The following HMCN2 variants were observed in gnomAD, a reference collection of about 807,000 sequenced individuals.
HMCN2 encodes hemicentin-2.
HMCN2 carries 325 observed loss-of-function variants against 377.5 expected under a neutral mutation model. The observed-to-expected ratio is 0.86, with a 90% CI of 0.79 to 0.94. The LOEUF (loss-of-function observed/expected upper bound fraction) is 0.94, where lower values mean the gene tolerates loss of function less well. Ranked by LOEUF, HMCN2 falls within the 40% of genes least tolerant of loss-of-function variation. The pLI, the probability that HMCN2 is intolerant of heterozygous loss-of-function variation, is 0.00. For missense variants in HMCN2, 4,543 were observed against 4,725.3 expected (o/e 0.96, Z 1.13); for synonymous variants, 2,007 against 2,046.8 (o/e 0.98, Z 0.53).
In HMCN2 at chr9:130,336,517, G is replaced by C. The variant is rs1838753480; in HGVS notation, c.3360-1377G>C. ...TCCAAAATGAGATGGCTTAGGCACA[G>C]GAAGGGTGAGGTGACTTGCCCAACC... On this transcript the variant is annotated intron_variant, in intron 22 of 97. Coordinates refer to ENST00000683500, the MANE Select transcript of HMCN2 (RefSeq NM_001291815.2). Among the ~76,000 whole-genome samples, 3 of 152,260 alleles carry C rather than the reference G, an allele frequency of 2.0e-5. No homozygotes were observed. The East Asian group carries it at 5.8e-4, about 29-fold the overall frequency.
intron 62 of HMCN2, among the ~76,000 whole-genome samples, 177 bp downstream of exon 62, chr9:130,388,717 G>A (rs1325610828): frequency 6.7e-6 from 1 of 148,742 alleles, no homozygotes; most frequent in Non-Finnish European, 1.5e-5. Context: ...TTGTTTATTG[G>A]CCCTTGGAAT....
In HMCN2 at chr9:130,349,581, G is replaced by C. The variant is rs1347673752; in HGVS notation, c.4348G>C (p.Gly1450Arg). ...AGCCGGGGCCGCTCAGGAGGTGCTAGGATTGGCCGGTGCAGACGTGGAGCT... is the reference window on the plus strand; with the variant it reads ...AGCCGGGGCCGCTCAGGAGGTGCTACGATTGGCCGGTGCAGACGTGGAGCT... Reference protein sequence around the residue: ...LGAGAAQEVLGLAGADVELQC... With the variant: ...LGAGAAQEVLRLAGADVELQC... The change falls in exon 29 of 98, where the codon GGA becomes CGA. Residue 1450 changes from glycine (G) to arginine (R), a missense_variant. By Grantham distance (125) the Gly-to-Arg change is moderately radical. Transcript: ENST00000683500. 2.3e-6 allele frequency: 3 copies of C among 1,303,852 alleles called. No individual in the cohort carries two copies. The African/African-American group carries it at 4.6e-5, about 20-fold the overall frequency. 80.8% of individuals were successfully genotyped at this position (1,303,852 alleles called of 1,614,324 possible). A position where few individuals can be genotyped will look rare whatever the true frequency, so the allele number is the denominator to read the frequency against.
In HMCN2 at chr9:130,374,529, T is replaced by A; in HGVS notation, c.7466T>A (p.Phe2489Tyr). 1.0e-6 allele frequency: 1 copy of A among 985,876 alleles called. No homozygotes were observed. Among genetic ancestry groups the A allele is most frequent in the Non-Finnish European group, 1.2e-6 (1 of 830,010 alleles). The allele number at this position is 985,876 out of a possible 1,614,324, so 61.1% of individuals were successfully genotyped here. The change falls in exon 49 of 98, where the codon TTC becomes TAC. Residue 2489 changes from phenylalanine to tyrosine, a missense_variant. Transcript: ENST00000683500. Reference protein sequence around the residue: ...TGHPQPKLTWFKDGRPLARGD... With the variant: ...TGHPQPKLTWYKDGRPLARGD... ...CACCCACAGCCCAAGCTCACATGGT[T>A]CAAAGATGGCCGGCCTCTGGCTAGG...
chr9:130,432,716 G>A (rs929244830), intron 97 of HMCN2, 161 bp downstream of exon 97: 47 of 713,702 alleles, frequency 6.6e-5, no homozygotes, highest in Non-Finnish European at 1.0e-4. Flanking sequence ...GGGAGAGAAC[G>A]GGGACACAGG....
At chr9:130,405,870 C>A in intron 81 of HMCN2, 85 bp from the exon 82 acceptor site, 1 of 1,035,740 alleles carries the variant, frequency 9.7e-7, no homozygotes, top group Non-Finnish European at 1.3e-6. Context: ...GCTGGATGCT[C>A]CATGAGAACC....
At chr9:130,307,361 G>A (rs1406741717) in intron 13 of HMCN2, 92 bp from the exon 14 acceptor site, 1 of 460,672 alleles carries the variant, frequency 2.2e-6, no homozygotes, top group Non-Finnish European at 4.5e-6. Flanking sequence ...GTGGTGAGTT[G>A]GGATGAGGGA....
At chr9:130,305,268 CT>C (rs1836788815) in intron 11 of HMCN2, among the ~76,000 whole-genome samples, 1 of 152,134 alleles carries the variant, frequency 6.6e-6, no homozygotes, top group Non-Finnish European at 1.5e-5. Context: ...GTGTCTTGTC[CT>C]TTTTCCGTGC....
At chr9:130,289,932 C>T (rs1295749131) in intron 4 of HMCN2, among the ~76,000 whole-genome samples, 1 of 152,224 alleles carries the variant, frequency 6.6e-6, no homozygotes, top group Non-Finnish European at 1.5e-5. Context: ...GCTTTCCTTC[C>T]CTGCTTCCTC....
intron 87 of HMCN2, among the ~76,000 whole-genome samples, chr9:130,424,185 A>AT (rs1425977340): frequency 3.0e-3 from 391 of 128,564 alleles, no homozygotes; most frequent in African/African-American, 0.01. Context: ...TTTTTTTTTA[A>AT]TTTTTTTTTT....
chr9:130,302,049 C>CTTTTTTTTT (rs60456645), intron 8 of HMCN2, among the ~76,000 whole-genome samples: 3 of 147,442 alleles, frequency 2.0e-5, no homozygotes, highest in South Asian at 2.1e-4. Flanking sequence ...TCTAGCTGTG[C>CTTTTTTTTT]TTTTTTTTTT....
chr9:130,408,926 G>A lies in HMCN2; in HGVS notation c.12872G>A (p.Arg4291Lys), dbSNP rs1193895436. 4 of 1,288,682 alleles carry A rather than the reference G, an allele frequency of 3.1e-6. No homozygotes were observed. The highest frequency in any genetic ancestry group is 1.5e-5 in the African/African-American group (1 of 65,844). 79.8% of individuals were successfully genotyped at this position (1,288,682 alleles called of 1,614,324 possible). ...CAGAATGGCTCGCTGACCATCCGCA[G>A]GACTGAGGCAAGGCGGGGCCTGGCA... ...QLQNGSLTIR[R>K]TERDDAGRYQ... is the part of the protein sequence containing the mutation. The change falls in exon 84 of 98, where the codon AGG (arginine) becomes AAG (lysine). Residue 4291 changes from arginine (R) to lysine (K), a missense_variant. This residue lies in a region of HMCN2 where 1,155 missense variants were observed against 1,157.7 expected (regional missense o/e 1.00). Transcript: ENST00000683500.
chr9:130,430,459 A>T lies in HMCN2; in HGVS notation c.14502A>T (p.Leu4834=), dbSNP rs1001120745. Residue 4834 remains leucine, a synonymous_variant, in exon 95 of 98, where the codon CTA becomes CTT. Coordinates refer to ENST00000683500, the MANE Select transcript of HMCN2 (RefSeq NM_001291815.2). ...CCACCGTCAGCCACCGAGGCCCTCTATTGCCCTGGCTGCGGCCCTGGGCCT... is the reference window on the plus strand; with the variant it reads ...CCACCGTCAGCCACCGAGGCCCTCTTTTGCCCTGGCTGCGGCCCTGGGCCT... ...NVTTVSHRGP[L]LPWLRPWASI... is the part of the protein sequence containing the mutation. 6.4e-7 allele frequency: 1 copy of T among 1,550,390 alleles called. No homozygotes were observed. The highest frequency in any genetic ancestry group is 8.7e-7 in the Non-Finnish European group (1 of 1,146,962).
Position 130,355,729 on chromosome 9 carries a change from G to T in HMCN2, c.5147-17G>T, listed in dbSNP as rs1839989733. On this transcript the variant is annotated splice_polypyrimidine_tract_variant and intron_variant, in intron 32 of 97. Coordinates refer to ENST00000683500, the MANE Select transcript of HMCN2 (RefSeq NM_001291815.2). ...GCTGCTCAGCTCCAAACACCCAGGAGTGTGTTCTGCCTGCAGTGCCCCCAC... is the reference window on the plus strand; with the variant it reads ...GCTGCTCAGCTCCAAACACCCAGGATTGTGTTCTGCCTGCAGTGCCCCCAC... 18 of 1,290,492 alleles carry T rather than the reference G, an allele frequency of 1.4e-5. No homozygotes were observed. Among genetic ancestry groups the T allele is most frequent in the Non-Finnish European group, 1.8e-5 (18 of 977,654 alleles). The allele number at this position is 1,290,492 out of a possible 1,614,324, so 79.9% of individuals were successfully genotyped here. A position where few individuals can be genotyped will look rare whatever the true frequency, so the allele number is the denominator to read the frequency against.
chr9:130,422,578 G>A lies in HMCN2; in HGVS notation c.13233G>A (p.Gly4411=), dbSNP rs1588437823. The change falls in exon 87 of 98, where the codon GGG becomes GGA. Residue 4411 remains glycine, a splice_region_variant and synonymous_variant. Transcript: ENST00000683500. This position sits in a 1 kb window ranked among gnomAD's most constrained non-coding sequence, Gnocchi z 4.2. ...ATARAFLVVR[G]EPQGSWGSMT... The stretch of plus-strand genomic sequence containing the variant: ...TGTCATTCTTTCCCTTCCTTACAGG[G>A]GAGCCCCAGGGGAGCTGGGGCAGCA... 7.6e-7 allele frequency: 1 copy of A among 1,314,442 alleles called. No homozygotes were observed. The highest frequency in any genetic ancestry group is 3.1e-5 in the East Asian group (1 of 32,084). 81.4% of individuals were successfully genotyped at this position (1,314,442 alleles called of 1,614,324 possible).
At chr9:130,353,239 G>A (rs1445002937) in intron 31 of HMCN2, 34 bp downstream of exon 31, 1 of 1,295,514 alleles carries the variant, frequency 7.7e-7, no homozygotes, top group Admixed American at 2.3e-5. Context: ...GCCGGGGTGG[G>A]CAGTGGGAGG....
At chr9:130,366,467 A>ATTT (rs71499234) in intron 43 of HMCN2, among the ~76,000 whole-genome samples, 17,061 of 82,980 alleles carry the variant, frequency 0.21, 3,741 homozygotes, top group Non-Finnish European at 0.26. Flanking sequence ...CACTTCACCA[A>ATTT]TTTTTTTTTT....
rs1367741482 is a variant in HMCN2 at position 130,406,090 on chromosome 9, A to T, written c.12475A>T (p.Arg4159Trp). Residue 4159 changes from arginine (R) to tryptophan (W), a missense_variant, in exon 82 of 98, where the codon AGG (arginine) becomes TGG (tryptophan). Arg to Trp is a moderately radical substitution (Grantham distance 101). Around this residue, in one of 5 missense-constraint regions of HMCN2, gnomAD observed 1,073 missense variants for 1,319.5 expected, o/e 0.81. Coordinates refer to ENST00000683500, the MANE Select transcript of HMCN2 (RefSeq NM_001291815.2). ...GGACCGCAGCCTGCGCCTTGGGGAC[A>T]GGCTGTGGCTTCGCTGTGCAGCCCG... ...PGDRSLRLGDRLWLRCAARGS... is the reference protein window; with the variant it reads ...PGDRSLRLGDWLWLRCAARGS... 2.3e-6 allele frequency: 3 copies of T among 1,289,844 alleles called. No homozygotes were observed. The South Asian group carries it at 3.7e-5, about 16-fold the overall frequency. The allele number at this position is 1,289,844 out of a possible 1,614,324, so 79.9% of individuals were successfully genotyped here.
intron 4 of HMCN2, among the ~76,000 whole-genome samples, chr9:130,293,279 GTTTT>G (rs71387339): frequency 5.3e-5 from 3 of 57,126 alleles, no homozygotes; most frequent in African/African-American, 1.1e-4. Context: ...ACTCACTAAA[GTTTT>G]TTTTTTTTTT....
intron 76 of HMCN2, 24 bp downstream of exon 76, chr9:130,399,656 G>A (rs774262210): frequency 7.9e-7 from 1 of 1,270,378 alleles, no homozygotes; most frequent in Admixed American, 2.3e-5. Context: ...GAGGTGGAGG[G>A]GGACACCTGG....
Sources: gnomAD v4.1 joint callset for allele counts (sites outside exome capture counted in the v4.1 genomes callset) on GRCh38, gnomAD v4.1.1 for gene constraint, gnomAD v4.1.1 regional missense constraint, Gnocchi (gnomAD v3.1) non-coding constraint, MANE v1.5 for transcripts, NCBI Gene and HGNC (gene_info 2026-07-23, HGNC 2026-07-21) for gene names.